The following CCDC7 variants were observed in gnomAD, a reference collection of about 807,000 sequenced individuals.
CCDC7 encodes coiled-coil domain-containing protein 7.
Under a neutral mutation model 196.9 loss-of-function variants are expected in CCDC7, and 183 were observed. The observed-to-expected ratio is 0.93, with a 90% confidence interval of 0.82 to 1.05. The LOEUF is 1.05. Among genes scored for constraint, CCDC7 ranks in the 50% least tolerant of loss-of-function variants. CCDC7 has a pLI of 0.00. For missense variants in CCDC7, 1,540 were observed against 1,482.2 expected (o/e 1.04, Z -0.64); for synonymous variants, 525 against 484.6 (o/e 1.08, Z -1.10).
chr10:32,571,344 A>G (rs117848561), intron 15 of CCDC7, among the ~76,000 whole-genome samples: 6,303 of 152,152 alleles, frequency 0.041, 134 homozygotes, highest in Middle Eastern at 0.065. Flanking sequence ...CTGTAAACAT[A>G]TTTGAACATG....
At chr10:32,871,882 T>C (rs565761834) in intron 41 of CCDC7, among the ~76,000 whole-genome samples, 106 of 152,318 alleles carry the variant, frequency 7.0e-4, no homozygotes, top group Non-Finnish European at 1.3e-3. Flanking sequence ...CAGGAGCAGG[T>C]TGTTCAGTTT....
chr10:32,665,129 C>T (rs1258968861), intron 21 of CCDC7, among the ~76,000 whole-genome samples: 2 of 152,028 alleles, frequency 1.3e-5, no homozygotes, highest in African/African-American at 4.8e-5. Flanking sequence ...AATGTCTATT[C>T]AGATCCCATA....
chr10:32,689,611 T>C (rs1040488527), intron 23 of CCDC7, among the ~76,000 whole-genome samples: 4 of 152,182 alleles, frequency 2.6e-5, no homozygotes, highest in African/African-American at 9.6e-5. Context: ...GGGCATCCTT[T>C]TGGTCATGGC....
chr10:32,647,644 T>A (rs2068016901), intron 20 of CCDC7, among the ~76,000 whole-genome samples: 1 of 152,166 alleles, frequency 6.6e-6, no homozygotes. Flanking sequence ...TTTTGATAAG[T>A]GTCTGTTCAT....
intron 5 of CCDC7, among the ~76,000 whole-genome samples, chr10:32,470,278 A>C (rs771292289): frequency 3.9e-5 from 6 of 152,088 alleles, no homozygotes; most frequent in Non-Finnish European, 5.9e-5. Context: ...AGATGTCTAC[A>C]TGGGTGGATC....
chr10:32,677,131 C>A (rs529940544), intron 21 of CCDC7, among the ~76,000 whole-genome samples: 23 of 145,514 alleles, frequency 1.6e-4, no homozygotes, highest in African/African-American at 5.9e-4. Context: ...AACCAAACAC[C>A]GCATGTTCTC....
chr10:32,790,374 C>G (rs903127149), intron 29 of CCDC7, among the ~76,000 whole-genome samples: 6 of 152,210 alleles, frequency 3.9e-5, no homozygotes, highest in African/African-American at 1.4e-4. Context: ...GGAACTAACA[C>G]CACATAAACA....
intron 8 of CCDC7, among the ~76,000 whole-genome samples, chr10:32,475,349 A>G (rs949845620): frequency 1.3e-5 from 2 of 152,100 alleles, no homozygotes; most frequent in Non-Finnish European, 2.9e-5. Context: ...CTGTTTTCCA[A>G]TTTCTGAATA....
intron 30 of CCDC7, among the ~76,000 whole-genome samples, chr10:32,811,776 G>T (rs1211104753): frequency 6.6e-6 from 1 of 151,890 alleles, no homozygotes. Context: ...AAAAATAAAA[G>T]TACAAGTCAA....
chr10:32,592,249 T>A (rs1443183418), intron 18 of CCDC7, among the ~76,000 whole-genome samples: 1 of 152,156 alleles, frequency 6.6e-6, no homozygotes, highest in East Asian at 1.9e-4. Flanking sequence ...TTATTCAATC[T>A]AGCTAAATGT....
chr10:32,596,546 T>C (rs2060380530), intron 18 of CCDC7, among the ~76,000 whole-genome samples: 1 of 152,200 alleles, frequency 6.6e-6, no homozygotes, highest in Non-Finnish European at 1.5e-5. Context: ...AGGTTAATAT[T>C]GTTATGTGTG....
upstream of CCDC7, among the ~76,000 whole-genome samples, chr10:32,444,850 G>GTTTTTT (rs59116319): frequency 2.1e-5 from 3 of 140,272 alleles, no homozygotes; most frequent in Non-Finnish European, 3.1e-5. Context: ...ATGCCTTCAT[G>GTTTTTT]TTTTTTTTTT....
At chr10:32,491,436 G>T (rs1317257036) in intron 8 of CCDC7, among the ~76,000 whole-genome samples, 1 of 151,892 alleles carries the variant, frequency 6.6e-6, no homozygotes, top group African/African-American at 2.4e-5. Flanking sequence ...TTCTCTTTTG[G>T]GTTCTTTGAT....
chr10:32,726,010 T>C (rs891583409), intron 25 of CCDC7, among the ~76,000 whole-genome samples: 4 of 152,176 alleles, frequency 2.6e-5, no homozygotes, highest in African/African-American at 9.6e-5. Context: ...TCTCTTTGTA[T>C]TCCCATCCTT....
chr10:32,647,089 T>C (rs894709898), intron 20 of CCDC7, among the ~76,000 whole-genome samples: 1 of 152,224 alleles, frequency 6.6e-6, no homozygotes, highest in Non-Finnish European at 1.5e-5. Flanking sequence ...TTCTTTTCAG[T>C]ATATACCCAG....
At position 32,504,408 on chromosome 10, in the gene CCDC7, C is replaced by T. The variant is rs557197915; in HGVS notation, c.872+12411C>T. 2.8e-4 allele frequency among the ~76,000 whole-genome samples: 43 copies of T among 152,222 alleles called. No homozygotes were observed. The South Asian group carries it at 3.1e-3, about 11-fold the overall frequency. The stretch of plus-strand genomic sequence containing the variant: ...GATTACAGGCATGAGCCACCATGCC[C>T]GGCCTATTTCTGCTCTTTGTAATTT... On this transcript the variant is annotated intron_variant, in intron 9 of 41. Transcript: ENST00000639629.
intron 8 of CCDC7, among the ~76,000 whole-genome samples, chr10:32,487,881 G>T (rs534340482): frequency 1.3e-5 from 2 of 152,184 alleles, no homozygotes; most frequent in Non-Finnish European, 2.9e-5. Context: ...CATGTGAAGT[G>T]TCAGTCTGCC....
chr10:32,474,210 CTTTTTTTTTTTTTTTTTTTTTTT>C (rs71027095), intron 8 of CCDC7, among the ~76,000 whole-genome samples, 187 bp downstream of exon 9: 1 of 58,956 alleles, frequency 1.7e-5, no homozygotes, highest in Non-Finnish European at 3.1e-5. Context: ...AAACTAGATT[CTTTTTTTTTTTTTTTTTTTTTTT>C]TTTTTTTGGA....
intron 28 of CCDC7, among the ~76,000 whole-genome samples, chr10:32,766,835 A>AT (rs1164277299): frequency 6.6e-6 from 1 of 152,058 alleles, no homozygotes; most frequent in Non-Finnish European, 1.5e-5. Flanking sequence ...CTTCTGCTAC[A>AT]TTACCTTCTC....
Sources: allele counts gnomAD v4.1 joint callset (sites outside exome capture counted in the v4.1 genomes callset), GRCh38; gene constraint gnomAD v4.1.1; transcripts MANE v1.5; gene names NCBI Gene and HGNC (gene_info 2026-07-23, HGNC 2026-07-21).